The following ZC3H7A variants were observed in gnomAD, a reference collection of about 807,000 sequenced individuals.
ZC3H7A encodes zinc finger CCCH domain-containing protein 7A.
A neutral mutation model predicts 125.5 loss-of-function variants in ZC3H7A; 44 were observed. The ratio of observed to expected loss-of-function variants is 0.35; its 90% CI spans 0.28 to 0.45. ZC3H7A has a LOEUF of 0.45. Among genes scored for constraint, ZC3H7A ranks in the 20% least tolerant of loss-of-function variants. ZC3H7A has a pLI of 1.00. For missense variants in ZC3H7A, 977 were observed against 1,170.7 expected, an observed-to-expected ratio of 0.83 and a Z score of 2.41; for synonymous variants, 399 against 391.2, an observed-to-expected ratio of 1.02 and a Z score of -0.23.
At chr16:11,769,784 C>CTTTTTTTTTTTATTTTTT (rs2052944051) in intron 10 of ZC3H7A, among the ~76,000 whole-genome samples, 1 of 61,608 alleles carries the variant, frequency 1.6e-5, no homozygotes, top group East Asian at 5.0e-4. Context: ...CAATTGCTTT[C>CTTTTTTTTTTTATTTTTT]TTTTTTTTTT....
At chr16:11,764,624 A>G (rs918676830) in intron 15 of ZC3H7A, among the ~76,000 whole-genome samples, 1 of 152,198 alleles carries the variant, frequency 6.6e-6, no homozygotes, top group Non-Finnish European at 1.5e-5. Flanking sequence ...CGAGAGGCTG[A>G]GGCAGGAGAT....
chr16:11,756,209 G>C, intron 21 of ZC3H7A, 28 bp downstream of exon 21: 2 of 1,590,152 alleles, frequency 1.3e-6, no homozygotes. Context: ...GCTCGGCAAA[G>C]AGAGGGTAAA....
At chr16:11,783,581 T>C (rs1198685607) in intron 1 of ZC3H7A, among the ~76,000 whole-genome samples, 1 of 152,104 alleles carries the variant, frequency 6.6e-6, no homozygotes, top group Non-Finnish European at 1.5e-5. Flanking sequence ...TCTCCAGATA[T>C]CGTTAAATGT....
At chr16:11,797,092 C>T (rs1420403677) in intron 1 of ZC3H7A, 32 bp downstream of exon 1, 2 of 140,736 alleles carry the variant, frequency 1.4e-5, no homozygotes, top group African/African-American at 2.9e-5. Flanking sequence ...CGCGCGTTTC[C>T]TTCATGCCCG....
At chr16:11,776,196 A>G (rs547319675) in intron 7 of ZC3H7A, 124 bp downstream of exon 7, 13 of 915,674 alleles carry the variant, frequency 1.4e-5, no homozygotes, top group African/African-American at 8.5e-5. Context: ...GGTATTGCCA[A>G]TTACGTGTTT....
chr16:11,763,732 TA>T (rs2052796632), intron 15 of ZC3H7A, 73 bp from the exon 16 acceptor site: 1 of 14,946 alleles, frequency 6.7e-5, no homozygotes, highest in Non-Finnish European at 1.1e-4. Context: ...TATATATATA[TA>T]TATATATATA....
intron 1 of ZC3H7A, among the ~76,000 whole-genome samples, chr16:11,789,176 G>A (rs953062534): frequency 2.6e-5 from 4 of 152,032 alleles, no homozygotes; most frequent in Admixed American, 6.6e-5. Context: ...AGGGTTCATG[G>A]GACTCCATGT....
chr16:11,756,479 G>A (rs2052651183), intron 20 of ZC3H7A, 109 bp from the exon 21 acceptor site: 1 of 1,361,596 alleles, frequency 7.3e-7, no homozygotes, highest in African/African-American at 1.5e-5. Context: ...AGAAACTCAA[G>A]GGGGCTGAAG....
intron 15 of ZC3H7A, among the ~76,000 whole-genome samples, chr16:11,763,929 A>G (rs1433332777): frequency 6.7e-6 from 1 of 150,138 alleles, no homozygotes; most frequent in African/African-American, 2.4e-5. Flanking sequence ...TCAGCCTCCT[A>G]AGTAGTTGGG....
chr16:11,790,192 G>A (rs1343191995), intron 1 of ZC3H7A, among the ~76,000 whole-genome samples: 1 of 151,770 alleles, frequency 6.6e-6, no homozygotes, highest in Non-Finnish European at 1.5e-5. Context: ...CAACAATGCA[G>A]AGGATTCCTG....
intron 9 of ZC3H7A, among the ~76,000 whole-genome samples, chr16:11,773,735 T>C (rs1303757134): frequency 6.6e-6 from 1 of 151,570 alleles, no homozygotes; most frequent in Non-Finnish European, 1.5e-5. Flanking sequence ...ACAAAAAAAT[T>C]AGCCAGGCGT....
chr16:11,758,150 AT>A (rs1353433968), intron 20 of ZC3H7A, among the ~76,000 whole-genome samples: 2 of 152,162 alleles, frequency 1.3e-5, no homozygotes, highest in Non-Finnish European at 2.9e-5. Flanking sequence ...TCCCCAGGCC[AT>A]TTTTTAGGAA....
intron 19 of ZC3H7A, among the ~76,000 whole-genome samples, chr16:11,760,397 A>G (rs1007620999): frequency 1.3e-5 from 2 of 152,190 alleles, no homozygotes; most frequent in East Asian, 1.9e-4. Flanking sequence ...CCCCTCCTAC[A>G]TAACCCATTA....
At chr16:11,752,897 G>C in intron 21 of ZC3H7A, 65 bp from the exon 22 acceptor site, 1 of 1,560,486 alleles carries the variant, frequency 6.4e-7, no homozygotes. Flanking sequence ...TCAATTCCAG[G>C]GAGCCCAGGC....
chr16:11,760,137 A>AAAAAAAAG (rs2052725916), intron 19 of ZC3H7A, among the ~76,000 whole-genome samples: 2 of 137,646 alleles, frequency 1.5e-5, no homozygotes, highest in Non-Finnish European at 3.2e-5. Context: ...AAAAAAAAAA[A>AAAAAAAAG]AAAAAAAAGA....
At chr16:11,772,995 A>G (rs560492337) in intron 9 of ZC3H7A, among the ~76,000 whole-genome samples, 1 of 151,794 alleles carries the variant, frequency 6.6e-6, no homozygotes, top group South Asian at 2.1e-4. Flanking sequence ...CCAGCAGAAA[A>G]GGCTTTCTAT....
chr16:11,762,893 T>C (rs2052776196), intron 16 of ZC3H7A, 146 bp from the exon 17 acceptor site: 3 of 672,692 alleles, frequency 4.5e-6, no homozygotes, highest in Non-Finnish European at 7.4e-6. Flanking sequence ...ACCACGTTTC[T>C]CTTTTTTGAA....
intron 9 of ZC3H7A, 102 bp from the exon 10 acceptor site, chr16:11,771,089 A>G: frequency 8.7e-7 from 1 of 1,150,406 alleles, no homozygotes; most frequent in Non-Finnish European, 1.2e-6. Context: ...ACACTGGGAG[A>G]TCACGTTACA....
In ZC3H7A at chr16:11,770,787, T is replaced by C; in HGVS notation, c.1104A>G (p.Lys368=). The part of the protein sequence containing the change: ...SLNSFSMSES[K]RDLSTSTSRE... ...CAATTTAGATTTGGTTCTTACCTCG[T>C]TTGGATTCACTCATTGAAAATGAAT... Residue 368 remains lysine, a synonymous_variant, in exon 10 of 23, where the codon AAA becomes AAG. Transcript: ENST00000355758. The C allele has an allele frequency of 1.2e-6, 2 of 1,610,782 alleles. No homozygotes were observed. The highest frequency in any genetic ancestry group is 1.7e-6 in the Non-Finnish European group (2 of 1,178,370).
Sources: allele counts gnomAD v4.1 joint callset (sites outside exome capture counted in the v4.1 genomes callset), GRCh38; gene constraint gnomAD v4.1.1; transcripts MANE v1.5; gene names NCBI Gene and HGNC (gene_info 2026-07-23, HGNC 2026-07-21).